Variants in FRK observed in about 807,000 individuals in gnomAD.
FRK encodes the protein tyrosine-protein kinase FRK.
A neutral mutation model predicts 56.4 loss-of-function variants in FRK; 51 were observed. The observed-to-expected ratio is 0.90, with a 90% CI of 0.72 to 1.14. The LOEUF (loss-of-function observed/expected upper bound fraction) is 1.14. Among genes scored for constraint, FRK ranks in the 50% most tolerant of loss-of-function variants. FRK has a pLI of 0.00. For missense variants in FRK, 570 were observed against 601.4 expected (o/e 0.95, Z 0.55); for synonymous variants, 245 against 217.9 (o/e 1.12, Z -1.10).
the FRK span, among the ~76,000 whole-genome samples, chr6:116,090,319 T>C: frequency 1.3e-5 from 2 of 152,214 alleles, no homozygotes; most frequent in Non-Finnish European, 2.9e-5. Context: ...GGGTGTAATG[T>C]GATGATACGG....
chr6:115,984,658 CTT>C (rs1774324111), intron 2 of FRK, among the ~76,000 whole-genome samples: 2 of 151,046 alleles, frequency 1.3e-5, no homozygotes, highest in Non-Finnish European at 2.9e-5. Context: ...GTTTATTCCT[CTT>C]GTTTTTTGTT....
At chr6:115,986,573 A>G (rs1430997480) in intron 2 of FRK, among the ~76,000 whole-genome samples, 4 of 152,166 alleles carry the variant, frequency 2.6e-5, no homozygotes, top group Non-Finnish European at 5.9e-5. Flanking sequence ...GTAACACTCT[A>G]TCTAGCCTTT....
chr6:116,039,238 G>A, intron 1 of FRK: 1 of 1,490,522 alleles, frequency 6.7e-7, no homozygotes. Context: ...GGTCGTCCTG[G>A]CCTGCGAGCC....
chr6:115,956,429 C>A, intron 5 of FRK, 23 bp downstream of exon 5: 1 of 1,460,468 alleles, frequency 6.8e-7, no homozygotes, highest in Non-Finnish European at 9.1e-7. Flanking sequence ...TCTTTTTTTC[C>A]TTGTATTAAG....
At chr6:116,032,935 T>C (rs1301768932) in intron 1 of FRK, among the ~76,000 whole-genome samples, 4 of 152,080 alleles carry the variant, frequency 2.6e-5, no homozygotes, top group African/African-American at 9.7e-5. Context: ...TTTTAAATTA[T>C]GGAAATAAGA....
the FRK span, among the ~76,000 whole-genome samples, chr6:116,072,530 A>AACACACAC: frequency 8.4e-3 from 1,222 of 144,946 alleles, 28 homozygotes; most frequent in East Asian, 0.075. Flanking sequence ...AGGTTAAATA[A>AACACACAC]ACACACACAC....
At chr6:116,022,301 ATGTTTTCC>A (rs1369108058) in intron 1 of FRK, among the ~76,000 whole-genome samples, 2 of 152,080 alleles carry the variant, frequency 1.3e-5, no homozygotes, top group Non-Finnish European at 2.9e-5. Context: ...GAAATAAAAA[ATGTTTTCC>A]AATTTGTTTT....
chr6:116,024,502 G>A (rs1203174207), intron 1 of FRK, among the ~76,000 whole-genome samples: 4 of 150,796 alleles, frequency 2.7e-5, no homozygotes, highest in African/African-American at 7.3e-5. Flanking sequence ...ACCTATGAGT[G>A]AGAATATGCG....
chr6:116,075,959 C>CTT, the FRK span, among the ~76,000 whole-genome samples: 27,089 of 152,064 alleles, frequency 0.18, 2,869 homozygotes, highest in African/African-American at 0.29. Context: ...CATATCAACT[C>CTT]TCCTTAACAT....
At chr6:116,027,524 T>C (rs1776137315) in intron 1 of FRK, among the ~76,000 whole-genome samples, 1 of 152,126 alleles carries the variant, frequency 6.6e-6, no homozygotes. Context: ...GGCACAACAA[T>C]GTAAATTTAG....
At chr6:115,991,431 T>G (rs1479173330) in intron 2 of FRK, among the ~76,000 whole-genome samples, 1 of 151,870 alleles carries the variant, frequency 6.6e-6, no homozygotes, top group Non-Finnish European at 1.5e-5. Flanking sequence ...TCTTATTATT[T>G]TGAGTTATGT....
Position 116,025,750 on chromosome 6 carries a change from T to C in FRK, c.345-21752A>G, listed in dbSNP as rs538779519. Among the ~76,000 whole-genome samples the C allele has an allele frequency of 3.3e-5, 5 of 152,324 alleles. No homozygotes were observed. The South Asian group carries it at 1.0e-3, about 32-fold the overall frequency. On this transcript the variant is annotated intron_variant, in intron 1 of 7. Coordinates refer to ENST00000606080, the MANE Select transcript of FRK (RefSeq NM_002031.3). ...CTAATATGTGTGTGTTATAATCCTC[T>C]GTTAATAATATGAGTTATCTGTCAT... is the stretch of plus-strand genomic sequence containing the variant.
intron 1 of FRK, among the ~76,000 whole-genome samples, chr6:116,012,390 C>T (rs753157536): frequency 6.6e-6 from 1 of 152,220 alleles, no homozygotes; most frequent in South Asian, 2.1e-4. Flanking sequence ...GCTATCACTA[C>T]TTATACTGGC....
rs764850296 is a variant in FRK, at chr6:115,936,538, G to A, written c.*5876C>T. On this transcript the variant is annotated 3_prime_UTR_variant, in exon 8 of 8. Coordinates refer to ENST00000606080, the MANE Select transcript of FRK (RefSeq NM_002031.3). ...AATAACAAACTCCTCCAAGCTAAAGGAGCATGTTCTAACCCAATGCAAGGA... is the reference window on the plus strand; with the variant it reads ...AATAACAAACTCCTCCAAGCTAAAGAAGCATGTTCTAACCCAATGCAAGGA... 1.3e-5 allele frequency: 2 copies of A among 152,138 alleles called. No homozygotes were observed. The highest frequency in any genetic ancestry group is 4.8e-5 in the African/African-American group (2 of 41,428). 9.4% of individuals were successfully genotyped at this position (152,138 alleles called of 1,614,324 possible). A position where few individuals can be genotyped will look rare whatever the true frequency, so the allele number is the denominator to read the frequency against.
chr6:116,060,009 A>T lies in FRK; in HGVS notation c.303T>A (p.Pro101=), dbSNP rs774925380. 1.2e-6 allele frequency: 2 copies of T among 1,614,212 alleles called. No individual in the cohort carries two copies. Among genetic ancestry groups the T allele is most frequent in the South Asian group, 2.2e-5 (2 of 91,080 alleles). The change falls in exon 1 of 8, where the codon CCT becomes CCA. Residue 101 remains proline, a synonymous_variant. Coordinates refer to ENST00000606080, the MANE Select transcript of FRK (RefSeq NM_002031.3). Reference sequence around the variant, plus strand: ...TTCTGTCCTCAGCCACGTAGTTAGAAGGAATATAGCCTTGTAGTTGCTGAC... The same window carrying T: ...TTCTGTCCTCAGCCACGTAGTTAGATGGAATATAGCCTTGTAGTTGCTGAC... ...GSSQQLQGYI[P]SNYVAEDRSL... is the part of the protein sequence containing the mutation.
Position 115,967,615 on chromosome 6 carries a change from A to G in FRK, c.735T>C (p.Phe245=), listed in dbSNP as rs1034944339. ...TCCACAGACCTTCCCATACTTCGCC[A>G]AACTGACCAGATCCCAATCGCTTCA... ...QLLKRLGSGQ[F]GEVWEGLWNN... Residue 245 remains phenylalanine (F), a synonymous_variant, in exon 4 of 8, where the codon TTT becomes TTC. Transcript: ENST00000606080. 6.2e-7 allele frequency: 1 copy of G among 1,613,818 alleles called. No individual in the cohort carries two copies. Among genetic ancestry groups the G allele is most frequent in the Admixed American group, 1.7e-5 (1 of 59,992 alleles).
Position 115,934,941 on chromosome 6 carries a change from C to CAAGACCA in FRK, c.*7472_*7473insTGGTCTT, listed in dbSNP as rs1278757478. The CAAGACCA allele has an allele frequency of 7.1e-6, 1 of 140,508 alleles. No homozygotes were observed. Among genetic ancestry groups the CAAGACCA allele is most frequent in the Non-Finnish European group, 1.6e-5 (1 of 62,064 alleles). 8.7% of individuals were successfully genotyped at this position (140,508 alleles called of 1,614,324 possible). On this transcript the variant is annotated 3_prime_UTR_variant, in exon 8 of 8. Coordinates refer to ENST00000606080, the MANE Select transcript of FRK (RefSeq NM_002031.3). ...TAAAAACCCTCTTATCCTACCAGAC[C>CAAGACCA]AAAAAAAAAAAAAAACTTTCATAAC...
intron 4 of FRK, among the ~76,000 whole-genome samples, chr6:115,958,110 C>G (rs1773084111): frequency 6.6e-6 from 1 of 152,180 alleles, no homozygotes. Flanking sequence ...AATTCCATCT[C>G]TACCACTGGT....
the FRK span, among the ~76,000 whole-genome samples, chr6:116,088,547 T>C: frequency 5.3e-5 from 8 of 152,238 alleles, no homozygotes; most frequent in Non-Finnish European, 1.2e-4. Context: ...ACACATATAA[T>C]TGTACACTAC....
Sources: allele counts gnomAD v4.1 joint callset (sites outside exome capture counted in the v4.1 genomes callset), GRCh38; gene constraint gnomAD v4.1.1; transcripts MANE v1.5; gene names NCBI Gene and HGNC (gene_info 2026-07-23, HGNC 2026-07-21).